The following NCAM2 variants were observed in gnomAD, a reference collection of about 807,000 sequenced individuals.
The protein encoded by NCAM2 is neural cell adhesion molecule 2.
In NCAM2, 30 loss-of-function variants were observed where a neutral mutation model predicts 98.1. The ratio of observed to expected loss-of-function variants is 0.31; its 90% CI spans 0.23 to 0.41. NCAM2 has a LOEUF of 0.41. Among genes scored for constraint, NCAM2 ranks in the 10% least tolerant of loss-of-function variants. The pLI, the probability that NCAM2 is intolerant of heterozygous loss-of-function variation, is 1.00. For missense variants in NCAM2, 867 were observed against 1,005.8 expected (o/e 0.86, Z 1.87); for synonymous variants, 368 against 342.4 (o/e 1.07, Z -0.83).
intron 12 of NCAM2, among the ~76,000 whole-genome samples, chr21:21,445,612 CT>C (rs1467454055): frequency 2.0e-5 from 3 of 151,780 alleles, no homozygotes; most frequent in African/African-American, 7.3e-5. Flanking sequence ...ATTTTTTGAT[CT>C]TTGTTGGTTT....
intron 10 of NCAM2, among the ~76,000 whole-genome samples, 190 bp from the exon 11 acceptor site, chr21:21,418,283 G>T (rs2077035125): frequency 6.6e-6 from 1 of 151,828 alleles, no homozygotes; most frequent in Non-Finnish European, 1.5e-5. Context: ...GATATTACGG[G>T]CTCATGGATA....
At chr21:21,534,833 A>AAGAAATGCT (rs1989897124) in intron 17 of NCAM2, among the ~76,000 whole-genome samples, 177 bp downstream of exon 17, 1 of 152,168 alleles carries the variant, frequency 6.6e-6, no homozygotes, top group Non-Finnish European at 1.5e-5. Flanking sequence ...GACATTTTTC[A>AAGAAATGCT]TGAAAACTTT....
chr21:21,038,083 A>G (rs2064833360), intron 1 of NCAM2, among the ~76,000 whole-genome samples: 1 of 152,094 alleles, frequency 6.6e-6, no homozygotes, highest in South Asian at 2.1e-4. Flanking sequence ...GCCATAACCC[A>G]TGGTTTACCT....
At chr21:21,441,262 A>G (rs925100180) in intron 12 of NCAM2, among the ~76,000 whole-genome samples, 1 of 152,202 alleles carries the variant, frequency 6.6e-6, no homozygotes, top group Non-Finnish European at 1.5e-5. Flanking sequence ...AACAAAAACA[A>G]TACCTTTTAA....
intron 1 of NCAM2, among the ~76,000 whole-genome samples, chr21:21,266,173 A>T (rs2147393749): frequency 6.6e-6 from 1 of 152,240 alleles, no homozygotes; most frequent in East Asian, 1.9e-4. Flanking sequence ...TAAAATAATT[A>T]ACTCCTTTTC....
chr21:21,264,697 A>C (rs559220768), intron 1 of NCAM2, among the ~76,000 whole-genome samples: 1 of 149,524 alleles, frequency 6.7e-6, no homozygotes, highest in Non-Finnish European at 1.5e-5. Flanking sequence ...ACACACATAC[A>C]TACACACACA....
intron 12 of NCAM2, among the ~76,000 whole-genome samples, chr21:21,444,794 C>T (rs1255529123): frequency 6.6e-6 from 1 of 152,098 alleles, no homozygotes. Flanking sequence ...CTCCTGGATT[C>T]ATTGATTTTT....
intron 16 of NCAM2, among the ~76,000 whole-genome samples, chr21:21,510,776 T>A (rs1450783831): frequency 1.3e-5 from 2 of 152,052 alleles, no homozygotes; most frequent in Non-Finnish European, 2.9e-5. Flanking sequence ...TGTTTTAACA[T>A]TTTTACTCTC....
intron 9 of NCAM2, among the ~76,000 whole-genome samples, chr21:21,394,395 T>G (rs2145841038): frequency 6.9e-6 from 1 of 145,940 alleles, no homozygotes; most frequent in East Asian, 2.0e-4. Context: ...TTTAAATGAC[T>G]GAAAAAAAAG....
intron 1 of NCAM2, among the ~76,000 whole-genome samples, chr21:21,047,310 A>T (rs1298028105): frequency 6.6e-6 from 1 of 152,210 alleles, no homozygotes; most frequent in Non-Finnish European, 1.5e-5. Context: ...ATAGAAAAAT[A>T]TGCCAGAAAG....
intron 8 of NCAM2, among the ~76,000 whole-genome samples, chr21:21,349,606 T>G (rs779503764): frequency 4.6e-5 from 7 of 152,174 alleles, no homozygotes; most frequent in Non-Finnish European, 8.8e-5. Flanking sequence ...AGGAAATCAG[T>G]ACAACAAAGA....
At chr21:21,040,894 G>T (rs1360205218) in intron 1 of NCAM2, among the ~76,000 whole-genome samples, 1 of 152,098 alleles carries the variant, frequency 6.6e-6, no homozygotes, top group Non-Finnish European at 1.5e-5. Flanking sequence ...AATTTATTGT[G>T]TATCTTCAGA....
chr21:21,370,369 G>A (rs1475155979), intron 8 of NCAM2, among the ~76,000 whole-genome samples: 1 of 151,718 alleles, frequency 6.6e-6, no homozygotes, highest in Non-Finnish European at 1.5e-5. Context: ...TAAATGTTTT[G>A]TGTCTAATTT....
intron 1 of NCAM2, among the ~76,000 whole-genome samples, chr21:21,104,630 A>G (rs1273282213): frequency 6.6e-6 from 1 of 152,100 alleles, no homozygotes; most frequent in East Asian, 1.9e-4. Context: ...CAAAGTTCCT[A>G]AGACAAGAAT....
chr21:21,187,102 T>G (rs2068664215), intron 1 of NCAM2, among the ~76,000 whole-genome samples: 1 of 151,958 alleles, frequency 6.6e-6, no homozygotes, highest in Non-Finnish European at 1.5e-5. Flanking sequence ...TGGTGGTTTG[T>G]GCCCATAGTC....
chr21:21,242,415 A>G (rs1404107777), intron 1 of NCAM2, among the ~76,000 whole-genome samples: 1 of 152,206 alleles, frequency 6.6e-6, no homozygotes, highest in Admixed American at 6.5e-5. Context: ...GTCATTCTGT[A>G]CAATAGATTG....
chr21:21,458,330 G>A (rs1309227290), intron 12 of NCAM2, among the ~76,000 whole-genome samples: 5 of 152,340 alleles, frequency 3.3e-5, no homozygotes, highest in South Asian at 2.1e-4. Flanking sequence ...CCCTGGGAGC[G>A]TGGCTGCCTC....
intron 15 of NCAM2, among the ~76,000 whole-genome samples, chr21:21,504,737 A>G (rs1056360753): frequency 1.3e-5 from 2 of 151,848 alleles, no homozygotes; most frequent in South Asian, 4.1e-4. Flanking sequence ...ATATGTATAT[A>G]CATACATAGA....
rs546187167 is a variant in NCAM2 at position 21,108,949 on chromosome 21, A to G, written c.55+110331A>G. Reference sequence around the variant, plus strand: ...CACCATAGGCTGTTCTGTGGGCAGGAGTCCATATTTTCATTGACTACAGTT... The same window carrying G: ...CACCATAGGCTGTTCTGTGGGCAGGGGTCCATATTTTCATTGACTACAGTT... On this transcript the variant is annotated intron_variant, in intron 1 of 17. Coordinates refer to ENST00000400546, the MANE Select transcript of NCAM2 (RefSeq NM_004540.5). 2.6e-5 allele frequency among the ~76,000 whole-genome samples: 4 copies of G among 152,296 alleles called. No individual in the cohort carries two copies. In the East Asian group the frequency reaches 7.7e-4, roughly 29 times the overall value.
Sources: allele counts gnomAD v4.1 joint callset (sites outside exome capture counted in the v4.1 genomes callset), GRCh38; gene constraint gnomAD v4.1.1; transcripts MANE v1.5; gene names NCBI Gene and HGNC (gene_info 2026-07-23, HGNC 2026-07-21).